The following SLC9A8 variants were observed in gnomAD, a reference collection of about 807,000 sequenced individuals.
SLC9A8 encodes the protein solute carrier family 9 member A8.
Under a neutral mutation model 66.6 loss-of-function variants are expected in SLC9A8, and 48 were observed. That is an observed-to-expected ratio of 0.72 (90% CI 0.57 to 0.92). The LOEUF (loss-of-function observed/expected upper bound fraction) is 0.92, where lower values mean the gene tolerates loss of function less well. Ranked by LOEUF, SLC9A8 falls within the 40% of genes least tolerant of loss-of-function variation. SLC9A8 has a pLI of 0.00. For missense variants in SLC9A8, 599 were observed against 747.3 expected (o/e 0.80, Z 2.31); for synonymous variants, 274 against 282.6 (o/e 0.97, Z 0.31).
At chr20:49,884,223 CA>C (rs1663166284) in intron 14 of SLC9A8, 157 bp downstream of exon 14, 1 of 242,696 alleles carries the variant, frequency 4.1e-6, no homozygotes, top group Non-Finnish European at 7.5e-6. Context: ...CACACACACA[CA>C]CACACACACA....
intron 4 of SLC9A8, among the ~76,000 whole-genome samples, chr20:49,843,410 T>G (rs915336789): frequency 2.0e-5 from 3 of 152,214 alleles, no homozygotes; most frequent in Non-Finnish European, 1.5e-5. Context: ...ATTTTGAGCG[T>G]TTTTTGACTT....
chr20:49,855,113 C>G (rs2088416700), intron 7 of SLC9A8, among the ~76,000 whole-genome samples: 1 of 152,178 alleles, frequency 6.6e-6, no homozygotes, highest in Non-Finnish European at 1.5e-5. Flanking sequence ...CCATTTGGCT[C>G]TAGCTGCTCT....
chr20:49,886,822 G>A lies in SLC9A8; in HGVS notation c.1562G>A (p.Arg521Gln), dbSNP rs373124036. The change falls in exon 15 of 16, where the codon CGG becomes CAG. Residue 521 changes from arginine (R) to glutamine (Q), a missense_variant. Transcript: ENST00000361573. The surrounding 1 kb of genome is among the most constrained non-coding windows in gnomAD (Gnocchi z 4.8). ...GAGTACGAGGCCCACTACATCAGGC[G>A]GCAGGACCTTAAGGGCTTCGTGTGG... ...EEEYEAHYIR[R>Q]QDLKGFVWLD... is the part of the protein sequence containing the mutation. 2.7e-5 allele frequency: 43 copies of A among 1,614,066 alleles called. No homozygotes were observed. Among genetic ancestry groups the A allele is most frequent in the African/African-American group, 4.0e-5 (3 of 74,934 alleles).
At chr20:49,833,416 A>C (rs2087296593) in intron 3 of SLC9A8, among the ~76,000 whole-genome samples, 1 of 152,248 alleles carries the variant, frequency 6.6e-6, no homozygotes, top group South Asian at 2.1e-4. Context: ...ATTTTGCACA[A>C]TTAACAAAAC....
chr20:49,849,360 A>G (rs2088146701), intron 5 of SLC9A8, among the ~76,000 whole-genome samples: 1 of 151,988 alleles, frequency 6.6e-6, no homozygotes, highest in Admixed American at 6.5e-5. Context: ...GTGCGAAGCT[A>G]TGCAGTGTTT....
At chr20:49,844,054 A>C (rs911807738) in intron 4 of SLC9A8, among the ~76,000 whole-genome samples, 3 of 151,318 alleles carry the variant, frequency 2.0e-5, no homozygotes, top group African/African-American at 7.3e-5. Flanking sequence ...TCAGATACCC[A>C]GTCTTGAACT....
chr20:49,884,261 C>CACACACACG, intron 14 of SLC9A8, 195 bp downstream of exon 14: 4 of 284,200 alleles, frequency 1.4e-5, no homozygotes, highest in Admixed American at 1.0e-4. Flanking sequence ...ACACACACGA[C>CACACACACG]ACACACACAC....
At chr20:49,884,294 A>ACACACACACGCGCGCG (rs1335803839) in intron 14 of SLC9A8, 1 of 279,510 alleles carries the variant, frequency 3.6e-6, no homozygotes, top group African/African-American at 3.2e-5. Context: ...CACACGACAC[A>ACACACACACGCGCGCG]CACACACACA....
chr20:49,840,276 G>T (rs959634267), intron 4 of SLC9A8, among the ~76,000 whole-genome samples: 1 of 152,152 alleles, frequency 6.6e-6, no homozygotes, highest in Admixed American at 6.6e-5. Context: ...ACATCATCCT[G>T]GGGTGCAAGT....
chr20:49,832,538 C>A (rs780521106), intron 3 of SLC9A8, among the ~76,000 whole-genome samples: 2 of 152,168 alleles, frequency 1.3e-5, no homozygotes, highest in Non-Finnish European at 2.9e-5. Flanking sequence ...TGCAGAAGAC[C>A]AGCACTTATG....
chr20:49,883,930 CCAT>C lies in SLC9A8; in HGVS notation c.1357_1359del (p.Ile453del), dbSNP rs754989982. ...AAGCGGCAGCTCATCGGCACCACCA[CCAT>C]CGTCATCGTGCTCTTCACCATCCTG... is the stretch of plus-strand genomic sequence containing the variant. On this transcript the variant is annotated inframe_deletion, in exon 14 of 16. Transcript: ENST00000361573. 1.3e-5 allele frequency: 21 copies of C among 1,612,280 alleles called. No homozygotes were observed. The highest frequency in any genetic ancestry group is 7.7e-5 in the South Asian group (7 of 91,096).
intron 3 of SLC9A8, among the ~76,000 whole-genome samples, chr20:49,823,529 A>T (rs1322545097): frequency 6.6e-6 from 1 of 152,136 alleles, no homozygotes; most frequent in Non-Finnish European, 1.5e-5. Context: ...GACAGAAGGG[A>T]CTCTGACTTT....
At chr20:49,873,537 G>A (rs970002222) in intron 10 of SLC9A8, among the ~76,000 whole-genome samples, 36 of 148,266 alleles carry the variant, frequency 2.4e-4, no homozygotes, top group African/African-American at 8.7e-4. Flanking sequence ...TGTAATCCCA[G>A]CACATTGGCA....
At chr20:49,815,210 C>T in intron 2 of SLC9A8, 21 bp downstream of exon 2, 1 of 1,496,300 alleles carries the variant, frequency 6.7e-7, no homozygotes, top group Non-Finnish European at 8.9e-7. Context: ...ACACTGTCAT[C>T]CCCATCATCT....
chr20:49,834,169 CTCTCTCTCTCTCTCTCTATATA>C (rs1387283743), intron 3 of SLC9A8, among the ~76,000 whole-genome samples: 11 of 58,388 alleles, frequency 1.9e-4, no homozygotes, highest in African/African-American at 6.3e-4. Flanking sequence ...CTCTCTCTCT[CTCTCTCTCTCTCTCTCTATATA>C]TATATATATA....
At chr20:49,850,008 A>G (rs1004712039) in intron 6 of SLC9A8, among the ~76,000 whole-genome samples, 10 of 152,246 alleles carry the variant, frequency 6.6e-5, no homozygotes, top group African/African-American at 1.9e-4. Flanking sequence ...AAGAACTTCA[A>G]ACTGTGTTGT....
At chr20:49,875,774 G>A (rs511268) in intron 11 of SLC9A8, among the ~76,000 whole-genome samples, 53,604 of 150,948 alleles carry the variant, frequency 0.36, 10,267 homozygotes, top group South Asian at 0.57. Context: ...TTGCTGTGTC[G>A]CCCAGGCTGG....
Position 49,855,557 on chromosome 20 carries a change from A to G in SLC9A8, c.689A>G (p.Asp230Gly). The G allele has an allele frequency of 6.2e-7, 1 of 1,614,186 alleles. No individual in the cohort carries two copies. The highest frequency in any genetic ancestry group is 8.5e-7 in the Non-Finnish European group (1 of 1,180,026). Residue 230 changes from aspartate to glycine, a missense_variant, in exon 8 of 16, where the codon GAT becomes GGT. Transcript: ENST00000361573. ...GTCTTTGGAGAAAGTATTCTCAACG[A>G]TGCAGTCTCCATTGTTCTGACCAAG... is the stretch of plus-strand genomic sequence containing the variant. ...MLVFGESILN[D>G]AVSIVLTNTA...
rs186814452 is a variant in SLC9A8, at chr20:49,817,178, G to A, written c.208+1989G>A. ...AAAATACAAAAAATTTTAGCCAGACGTGGTGGCGGGCACCTGTAATCTCAG... is the reference window on the plus strand; with the variant it reads ...AAAATACAAAAAATTTTAGCCAGACATGGTGGCGGGCACCTGTAATCTCAG... On this transcript the variant is annotated intron_variant, in intron 2 of 15. Coordinates refer to ENST00000361573, the MANE Select transcript of SLC9A8 (RefSeq NM_015266.3). Among the ~76,000 whole-genome samples the A allele has an allele frequency of 9.5e-4, 145 of 151,878 alleles. 1 individual carries two copies. The highest frequency in any genetic ancestry group is 7.8e-4 in the Non-Finnish European group (53 of 67,924).
Sources: allele counts gnomAD v4.1 joint callset (sites outside exome capture counted in the v4.1 genomes callset), GRCh38; gene constraint gnomAD v4.1.1; non-coding constraint Gnocchi (gnomAD v3.1); transcripts MANE v1.5; gene names NCBI Gene and HGNC (gene_info 2026-07-23, HGNC 2026-07-21).